NEK2: variants seen among roughly 807,000 people sequenced by gnomAD.
NEK2 encodes the protein NIMA related kinase 2.
A neutral mutation model predicts 54.1 loss-of-function variants in NEK2; 28 were observed. The observed-to-expected ratio is 0.52, with a 90% CI of 0.38 to 0.71. The LOEUF is 0.71. Ranked by LOEUF, NEK2 falls within the 30% of genes least tolerant of loss-of-function variation. The pLI, the probability that NEK2 is intolerant of heterozygous loss-of-function variation, is 0.00. For missense variants in NEK2, 407 were observed against 531.5 expected (o/e 0.77, Z 2.30); for synonymous variants, 176 against 193.1 (o/e 0.91, Z 0.73).
intron 2 of NEK2, among the ~76,000 whole-genome samples, chr1:211,673,962 C>G (rs934179531): frequency 2.6e-5 from 4 of 152,082 alleles, no homozygotes; most frequent in African/African-American, 9.7e-5. Flanking sequence ...GTAGCTTGGA[C>G]TACAGGCACA....
chr1:211,661,758 G>T (rs1306208718), downstream of NEK2, among the ~76,000 whole-genome samples: 1 of 152,190 alleles, frequency 6.6e-6, no homozygotes, highest in Non-Finnish European at 1.5e-5. Flanking sequence ...AACACTGGAG[G>T]AACCTCAGTA....
Position 211,670,403 on chromosome 1 carries a change from G to C in NEK2, c.643C>G (p.Pro215Ala), listed in dbSNP as rs369881336. The change falls in exon 5 of 8, where the codon CCA becomes GCA. Residue 215 changes from proline to alanine, a missense_variant. Coordinates refer to ENST00000366999, the MANE Select transcript of NEK2 (RefSeq NM_002497.4). ...LLYELCALMP[P>A]FTAFSQKELA... Reference sequence around the variant, plus strand: ...TCTTTCTGGCTAAAAGCTGTAAATGGAGGCCTAGGGTTAAAAAAGAAGAAG... The same window carrying C: ...TCTTTCTGGCTAAAAGCTGTAAATGCAGGCCTAGGGTTAAAAAAGAAGAAG... 6.2e-7 allele frequency: 1 copy of C among 1,605,114 alleles called. No homozygotes were observed. Among genetic ancestry groups the C allele is most frequent in the Non-Finnish European group, 8.5e-7 (1 of 1,177,590 alleles).
At chr1:211,660,884 C>A (rs938512110), downstream of NEK2, 9 of 727,858 alleles carry the variant, frequency 1.2e-5, no homozygotes, top group Non-Finnish European at 2.1e-5. Flanking sequence ...TCCAAACCCA[C>A]GCCCAGCTTC....
downstream of NEK2, chr1:211,660,233 T>C (rs1202726486): frequency 1.2e-5 from 4 of 331,994 alleles, no homozygotes; most frequent in Admixed American, 7.0e-5. Context: ...CCCAGAAAGA[T>C]GGCTGGGAGC....
chr1:211,670,455 T>C (rs766885027), intron 4 of NEK2, 48 bp from the exon 5 acceptor site: 1 of 1,576,384 alleles, frequency 6.3e-7, no homozygotes, highest in Admixed American at 1.9e-5. Flanking sequence ...TTTCAAATTG[T>C]AAAAATGAAA....
chr1:211,666,973 T>C, intron 7 of NEK2, 133 bp downstream of exon 7: 1 of 1,504,492 alleles, frequency 6.6e-7, no homozygotes, highest in South Asian at 1.3e-5. Context: ...GAAATGCATA[T>C]ATTCAATGAA....
chr1:211,661,974 A>G (rs995740915), downstream of NEK2, among the ~76,000 whole-genome samples: 1 of 152,184 alleles, frequency 6.6e-6, no homozygotes, highest in Non-Finnish European at 1.5e-5. Context: ...TTGAGGAAAG[A>G]TATTCCCCAC....
At chr1:211,667,837 G>C (rs1471627468) in intron 6 of NEK2, among the ~76,000 whole-genome samples, 2 of 152,142 alleles carry the variant, frequency 1.3e-5, no homozygotes, top group African/African-American at 4.8e-5. Context: ...CCTGATGTCA[G>C]GAGTTCAAGA....
At chr1:211,672,026 A>C (rs1399317509) in intron 3 of NEK2, among the ~76,000 whole-genome samples, 1 of 152,260 alleles carries the variant, frequency 6.6e-6, no homozygotes, top group African/African-American at 2.4e-5. Flanking sequence ...GGAATTTGAT[A>C]CAGTGAGAAA....
Position 211,670,162 on chromosome 1 carries a change from T to G in NEK2, c.765+119A>C, listed in dbSNP as rs1655326253. The stretch of plus-strand genomic sequence containing the variant: ...TTTCACTTGTGTTAACACAGTAAAT[T>G]TAGCTAAGAAAGTATATTTAACGTT... On this transcript the variant is annotated intron_variant, in intron 5 of 7. Coordinates refer to ENST00000366999, the MANE Select transcript of NEK2 (RefSeq NM_002497.4). 3 of 1,096,124 alleles carry G rather than the reference T, an allele frequency of 2.7e-6. No homozygotes were observed. The South Asian group carries it at 6.0e-5, about 22-fold the overall frequency. 67.9% of individuals were successfully genotyped at this position (1,096,124 alleles called of 1,614,324 possible). A position where few individuals can be genotyped will look rare whatever the true frequency, so the allele number is the denominator to read the frequency against.
downstream of NEK2, among the ~76,000 whole-genome samples, chr1:211,662,075 C>G (rs1251806641): frequency 6.6e-6 from 1 of 152,174 alleles, no homozygotes; most frequent in East Asian, 1.9e-4. This position sits in a 1 kb window ranked among gnomAD's most constrained non-coding sequence, Gnocchi z 4.2. Context: ...CTAGGGATTC[C>G]TTAATCCAGT....
chr1:211,670,526 A>T, intron 4 of NEK2, 119 bp from the exon 5 acceptor site: 1 of 1,170,362 alleles, frequency 8.5e-7, no homozygotes, highest in Non-Finnish European at 1.2e-6. Context: ...TTAAGTTTCT[A>T]CTTCTGGGAT....
intron 1 of NEK2, 57 bp downstream of exon 1, chr1:211,675,327 C>A (rs1051460359): frequency 1.3e-6 from 2 of 1,520,688 alleles, no homozygotes; most frequent in South Asian, 1.1e-5. Flanking sequence ...GCAGGGCGCT[C>A]GCCCCGAGGC....
chr1:211,662,770 A>G, downstream of NEK2: 1 of 984,952 alleles, frequency 1.0e-6, no homozygotes, highest in Non-Finnish European at 1.2e-6. The surrounding 1 kb of genome is among the most constrained non-coding windows in gnomAD (Gnocchi z 4.2). Context: ...AAGACACATA[A>G]CTACAGGGAA....
intron 7 of NEK2, among the ~76,000 whole-genome samples, chr1:211,665,295 A>G (rs1217980247): frequency 2.0e-5 from 3 of 152,144 alleles, no homozygotes; most frequent in Non-Finnish European, 4.4e-5. Context: ...TCAGCACTCA[A>G]TACCCTAAAA....
downstream of NEK2, chr1:211,661,352 A>G (rs1297145787): frequency 2.4e-6 from 1 of 409,436 alleles, no homozygotes. Flanking sequence ...CTACTCATCT[A>G]ATTTTCTATC....
chr1:211,659,558 A>G (rs1018129840), downstream of NEK2, among the ~76,000 whole-genome samples: 1 of 152,080 alleles, frequency 6.6e-6, no homozygotes, highest in African/African-American at 2.4e-5. Flanking sequence ...TTCTGCATGC[A>G]CTCATTAGGC....
downstream of NEK2, among the ~76,000 whole-genome samples, chr1:211,659,921 A>G (rs1654974274): frequency 6.7e-6 from 1 of 149,548 alleles, no homozygotes; most frequent in African/African-American, 2.5e-5. Flanking sequence ...TCCCGGGCTC[A>G]GACAATCCTC....
downstream of NEK2, among the ~76,000 whole-genome samples, chr1:211,659,466 T>C (rs186782861): frequency 6.6e-4 from 101 of 152,350 alleles, 2 homozygotes; most frequent in Admixed American, 4.1e-3. Flanking sequence ...TGATTCCATA[T>C]ACACTGACAG....
Sources: gnomAD v4.1 joint callset for allele counts (sites outside exome capture counted in the v4.1 genomes callset) on GRCh38, gnomAD v4.1.1 for gene constraint, Gnocchi (gnomAD v3.1) non-coding constraint, MANE v1.5 for transcripts, NCBI Gene and HGNC (gene_info 2026-07-23, HGNC 2026-07-21) for gene names.